STAG3: variants seen among roughly 807,000 people sequenced by gnomAD.
STAG3 encodes cohesin subunit SA-3.
In STAG3, 101 loss-of-function variants were observed where a neutral mutation model predicts 160.7. That is an observed-to-expected ratio of 0.63 (90% confidence interval 0.54 to 0.74). STAG3 has a LOEUF of 0.74. Among genes scored for constraint, STAG3 ranks in the 30% least tolerant of loss-of-function variants. STAG3 has a pLI of 0.00. For synonymous variants in STAG3, 519 were observed against 585.0 expected, an observed-to-expected ratio of 0.89 and a Z score of 1.63; for missense variants, 1,188 against 1,517.4, an observed-to-expected ratio of 0.78 and a Z score of 3.61.
At position 100,201,869 on chromosome 7, in the gene STAG3, G is replaced by A; in HGVS notation, c.2301+3G>A. ...TTTCTAAATCAGATGCTTCCCAGGT[G>A]AGTGTGGGTCTTAGATGGGATAATG... On this transcript the variant is annotated splice_donor_region_variant and intron_variant, in intron 22 of 33. Transcript: ENST00000615138. 1 of 1,614,116 alleles carries A rather than the reference G, an allele frequency of 6.2e-7. No individual in the cohort carries two copies. The highest frequency in any genetic ancestry group is 2.2e-5 in the East Asian group (1 of 44,886).
At chr7:100,199,230 A>T in intron 14 of STAG3, 32 bp from the exon 15 acceptor site, 1 of 1,433,828 alleles carries the variant, frequency 7.0e-7, no homozygotes, top group Non-Finnish European at 9.8e-7. Flanking sequence ...TTAACATGCT[A>T]TCATTAACTC....
chr7:100,180,165 C>T (rs1438087241), intron 1 of STAG3, among the ~76,000 whole-genome samples: 3 of 152,194 alleles, frequency 2.0e-5, no homozygotes, highest in African/African-American at 7.2e-5. Flanking sequence ...AAGCAATCCT[C>T]CCACCTCAGC....
At chr7:100,213,664 C>T in intron 32 of STAG3, 71 bp from the exon 33 acceptor site, 3 of 1,610,876 alleles carry the variant, frequency 1.9e-6, no homozygotes, top group East Asian at 4.5e-5. Context: ...GGGAAAGGAA[C>T]TGGTTTTTTT....
At chr7:100,190,088 C>G (rs527644241) in intron 8 of STAG3, among the ~76,000 whole-genome samples, 58 of 152,106 alleles carry the variant, frequency 3.8e-4, no homozygotes, top group Admixed American at 7.9e-4. Flanking sequence ...CTTCAGTTTT[C>G]TTTTCTTTAA....
rs375388236 is a variant in STAG3 at position 100,180,600 on chromosome 7, C to A, written c.44C>A (p.Ala15Asp). ...AGAGCTGTGGGAGATACCAAGAGGGCCTTGTCTGCATCTTCTAGTTCCTCT... is the reference window on the plus strand; with the variant it reads ...AGAGCTGTGGGAGATACCAAGAGGGACTTGTCTGCATCTTCTAGTTCCTCT... ...LQRAVGDTKR[A>D]LSASSSSSAS... The change falls in exon 2 of 34, where the codon GCC becomes GAC. Residue 15 changes from alanine to aspartate, a missense_variant. Ala to Asp is a moderately radical substitution (Grantham distance 126). This residue lies in a region of STAG3 where 296 missense variants were observed against 404.0 expected (regional missense o/e 0.73). Transcript: ENST00000615138. 1.7e-5 allele frequency: 28 copies of A among 1,613,522 alleles called. No individual in the cohort carries two copies. The highest frequency in any genetic ancestry group is 2.4e-5 in the Non-Finnish European group (28 of 1,179,532).
chr7:100,201,570 G>A (rs1307098041), intron 21 of STAG3: 1 of 633,420 alleles, frequency 1.6e-6, no homozygotes, highest in Non-Finnish European at 2.7e-6. Flanking sequence ...TAATATTGAG[G>A]GATTCTAGAA....
chr7:100,178,507 G>T, intron 1 of STAG3, among the ~76,000 whole-genome samples: 1 of 150,176 alleles, frequency 6.7e-6, no homozygotes, highest in South Asian at 2.1e-4. Context: ...TGCAGAGGGC[G>T]GTTTATACTT....
intron 29 of STAG3, among the ~76,000 whole-genome samples, chr7:100,210,640 T>C (rs532544672): frequency 2.6e-5 from 4 of 152,216 alleles, no homozygotes; most frequent in Admixed American, 6.5e-5. Context: ...GATGTCTTCA[T>C]TGGCTAACTC....
chr7:100,182,587 ACTGAGT>A (rs1361097045), intron 3 of STAG3, 130 bp from the exon 4 acceptor site: 1 of 859,750 alleles, frequency 1.2e-6, no homozygotes, highest in African/African-American at 1.7e-5. Context: ...TTATTTCAGG[ACTGAGT>A]CTAACTCAGA....
At chr7:100,199,745 C>A in intron 16 of STAG3, 101 bp downstream of exon 16, 1 of 905,896 alleles carries the variant, frequency 1.1e-6, no homozygotes, top group Non-Finnish European at 1.7e-6. Flanking sequence ...TCCTTCTACC[C>A]TTTAAAGAAT....
At chr7:100,203,191 T>C (rs925692068) in intron 25 of STAG3, among the ~76,000 whole-genome samples, 33 of 151,552 alleles carry the variant, frequency 2.2e-4, no homozygotes, top group Non-Finnish European at 4.4e-4. Context: ...TTTTCTTTTT[T>C]TTTTTTTTTC....
chr7:100,198,562 A>C lies in STAG3; in HGVS notation c.1332A>C (p.Ala444=). Residue 444 remains alanine, a synonymous_variant, in exon 13 of 34, where the codon GCA becomes GCC. Coordinates refer to ENST00000615138, the MANE Select transcript of STAG3 (RefSeq NM_001282717.2). ...YASHRGLASA[A]GEFLYWKLFY... The stretch of plus-strand genomic sequence containing the variant: ...CTCATCGAGGCCTGGCCTCTGCCGC[A>C]GGCGAATTTCTGTACTGGAAGTGAG... The C allele has an allele frequency of 6.2e-7, 1 of 1,613,896 alleles. No homozygotes were observed. The highest frequency in any genetic ancestry group is 8.5e-7 in the Non-Finnish European group (1 of 1,180,032).
chr7:100,209,188 T>C (rs1293656155), intron 29 of STAG3, among the ~76,000 whole-genome samples: 4 of 152,236 alleles, frequency 2.6e-5, no homozygotes, highest in Non-Finnish European at 5.9e-5. Flanking sequence ...TTCCTGCTCC[T>C]AGGTTACACA....
intron 16 of STAG3, among the ~76,000 whole-genome samples, chr7:100,199,876 A>G (rs960511843): frequency 2.7e-5 from 4 of 150,324 alleles, no homozygotes; most frequent in African/African-American, 9.8e-5. Flanking sequence ...TGACACAGTG[A>G]AACCCTGTCT....
rs546361046 is a variant in STAG3, at chr7:100,204,661, A to C, written c.2837A>C (p.Gln946Pro). The change falls in exon 27 of 34, where the codon CAG becomes CCG. Residue 946 changes from glutamine (Q) to proline (P), a missense_variant. By Grantham distance (76) the Gln-to-Pro change is moderately conservative. This residue lies in a region of STAG3 where 647 missense variants were observed against 717.2 expected (regional missense o/e 0.90). Transcript: ENST00000615138. ...GAACTGCTGCAGGAGCATGGGCCCCAGGGCCTGAATGAGCTTCCTGCCTTC... is the reference window on the plus strand; with the variant it reads ...GAACTGCTGCAGGAGCATGGGCCCCCGGGCCTGAATGAGCTTCCTGCCTTC... ...YTELLQEHGP[Q>P]GLNELPAFIE... 3.7e-6 allele frequency: 6 copies of C among 1,614,164 alleles called. No individual in the cohort carries two copies. The African/African-American group carries it at 8.0e-5, about 22-fold the overall frequency.
At chr7:100,188,322 C>T (rs1363406596) in intron 5 of STAG3, 131 bp from the exon 6 acceptor site, 5 of 771,568 alleles carry the variant, frequency 6.5e-6, no homozygotes, top group African/African-American at 3.4e-5. Context: ...AGACTGTTGA[C>T]CAGGGGGTCT....
downstream of STAG3, among the ~76,000 whole-genome samples, chr7:100,216,431 C>T (rs2117638289): frequency 6.6e-6 from 1 of 152,044 alleles, no homozygotes; most frequent in East Asian, 1.9e-4. Flanking sequence ...CCTTTTTGCT[C>T]TTAAAAAAGG....
At chr7:100,216,686 A>G (rs1183617548), downstream of STAG3, among the ~76,000 whole-genome samples, 2 of 151,980 alleles carry the variant, frequency 1.3e-5, no homozygotes, top group Non-Finnish European at 2.9e-5. Context: ...CTGTAGTCCC[A>G]GCTACTCGGG....
downstream of STAG3, among the ~76,000 whole-genome samples, chr7:100,216,933 T>C (rs1411731960): frequency 6.6e-6 from 1 of 152,108 alleles, no homozygotes; most frequent in East Asian, 1.9e-4. Context: ...CTAGAAGACT[T>C]GTGAACAGGT....
Sources: gnomAD v4.1 joint callset for allele counts (sites outside exome capture counted in the v4.1 genomes callset) on GRCh38, gnomAD v4.1.1 for gene constraint, gnomAD v4.1.1 regional missense constraint, MANE v1.5 for transcripts, NCBI Gene and HGNC (gene_info 2026-07-23, HGNC 2026-07-21) for gene names.